IDO1: variants seen among roughly 807,000 people sequenced by gnomAD.
IDO1 encodes the protein indolamine 2,3 dioxygenase.
Under a neutral mutation model 38.8 loss-of-function variants are expected in IDO1, and 35 were observed. That is an observed-to-expected ratio of 0.90 (90% CI 0.69 to 1.20). IDO1 has a LOEUF of 1.20. Among genes scored for constraint, IDO1 ranks in the 50% most tolerant of loss-of-function variants. The pLI, the probability that IDO1 is intolerant of heterozygous loss-of-function variation, is 0.00. For missense variants in IDO1, 509 were observed against 485.1 expected, an observed-to-expected ratio of 1.05 and a Z score of -0.46; for synonymous variants, 171 against 170.0, an observed-to-expected ratio of 1.01 and a Z score of -0.05.
Position 39,914,262 on chromosome 8 carries a change from T to C in IDO1, c.87+253T>C, listed in dbSNP as rs1807140300. The C allele has an allele frequency of 1.5e-5, 5 of 334,094 alleles. 1 individual carries two copies. The Middle Eastern group carries it at 2.7e-3, about 181-fold the overall frequency. The allele number at this position is 334,094 out of a possible 1,614,324, so 20.7% of individuals were successfully genotyped here. On this transcript the variant is annotated intron_variant, in intron 1 of 9. Coordinates refer to ENST00000518237, the MANE Select transcript of IDO1 (RefSeq NM_002164.6). ...CGGAGAGTGGTGAGAAAGGAAACTA[T>C]AGAAAGTGTATCAGCTTTACATAAG...
At chr8:39,920,190 C>T in intron 5 of IDO1, 76 bp downstream of exon 5, 1 of 1,145,544 alleles carries the variant, frequency 8.7e-7, no homozygotes, top group Non-Finnish European at 1.3e-6. Flanking sequence ...CAATAGACTC[C>T]AAATGCATTT....
chr8:39,916,292 A>G (rs992786069), intron 1 of IDO1, among the ~76,000 whole-genome samples: 10 of 152,150 alleles, frequency 6.6e-5, no homozygotes, highest in East Asian at 3.9e-4. Context: ...CCTGGCCAAC[A>G]TGGTGAAACC....
intron 6 of IDO1, 140 bp from the exon 7 acceptor site, chr8:39,923,329 G>C (rs376225950): frequency 1.9e-6 from 1 of 519,538 alleles, no homozygotes; most frequent in Non-Finnish European, 3.5e-6. Flanking sequence ...GCGTGAACCC[G>C]GGAGGCAGAG....
Position 39,918,141 on chromosome 8 carries a change from A to T in IDO1, c.237A>T (p.Ala79=). ...HLTDHKSQRL[A]RLVLGCITMA... ...CAGACCACAAGTCACAGCGCCTTGC[A>T]CGTCTAGTTCTGGGATGCATCACCA... is the stretch of plus-strand genomic sequence containing the variant. Residue 79 remains alanine (A), a synonymous_variant, in exon 3 of 10, where the codon GCA becomes GCT. Transcript: ENST00000518237. The T allele has an allele frequency of 6.2e-7, 1 of 1,613,976 alleles. No homozygotes were observed. Among genetic ancestry groups the T allele is most frequent in the Non-Finnish European group, 8.5e-7 (1 of 1,179,880 alleles).
chr8:39,915,347 T>C (rs1388781687), intron 1 of IDO1, among the ~76,000 whole-genome samples: 2 of 152,096 alleles, frequency 1.3e-5, no homozygotes, highest in East Asian at 3.9e-4. Flanking sequence ...TGTAGACGAG[T>C]GTATTTTTGT....
chr8:39,916,175 T>C (rs1183748984), intron 1 of IDO1, among the ~76,000 whole-genome samples: 1 of 137,416 alleles, frequency 7.3e-6, no homozygotes, highest in Non-Finnish European at 1.6e-5. Context: ...CAGGAAATAA[T>C]AATAATAATA....
rs754990051 is a variant in IDO1 at position 39,927,852 on chromosome 8, G to A, written c.879G>A (p.Gln293=). The part of the protein sequence containing the change: ...AGGGHAAQFL[Q]DMRRYMPPAH... Reference sequence around the variant, plus strand: ...TAGGACATGCTGCTCAGTTCCTCCAGGACATGAGAAGATATATGCCACCAG... The same window carrying A: ...TAGGACATGCTGCTCAGTTCCTCCAAGACATGAGAAGATATATGCCACCAG... The change falls in exon 10 of 10, where the codon CAG becomes CAA. Residue 293 remains glutamine, a synonymous_variant. Transcript: ENST00000518237. The A allele has an allele frequency of 1.0e-5, 16 of 1,555,924 alleles. No homozygotes were observed. The highest frequency in any genetic ancestry group is 3.5e-4 in the Middle Eastern group (2 of 5,758).
At position 39,927,975 on chromosome 8, in the gene IDO1, C is replaced by G; in HGVS notation, c.1002C>G (p.Ala334=). ...GDAGLREAYD[A]CVKALVSLRS... Reference sequence around the variant, plus strand: ...CTGGCCTGCGGGAAGCTTATGACGCCTGTGTGAAAGCTCTGGTCTCCCTGA... The same window carrying G: ...CTGGCCTGCGGGAAGCTTATGACGCGTGTGTGAAAGCTCTGGTCTCCCTGA... Residue 334 remains alanine (A), a synonymous_variant, in exon 10 of 10, where the codon GCC becomes GCG. Transcript: ENST00000518237. 1 of 1,605,084 alleles carries G rather than the reference C, an allele frequency of 6.2e-7. No homozygotes were observed.
At chr8:39,923,800 T>C in intron 7 of IDO1, 2 of 353,812 alleles carry the variant, frequency 5.7e-6, no homozygotes, top group East Asian at 4.7e-5. Flanking sequence ...ACAGGGTAAA[T>C]GACTTCAGAT....
intron 4 of IDO1, 90 bp downstream of exon 4, chr8:39,919,023 G>A (rs4613984): frequency 0.043 from 36,098 of 832,236 alleles, 936 homozygotes; most frequent in Non-Finnish European, 0.054. Context: ...TTTGGGCAGC[G>A]CAGCTTTCCT....
chr8:39,918,785 C>T, intron 3 of IDO1, 30 bp from the exon 4 acceptor site: 1 of 704,224 alleles, frequency 1.4e-6, no homozygotes, highest in East Asian at 3.3e-5. Context: ...ACAACAACAA[C>T]AAAAAACCTA....
intron 3 of IDO1, 141 bp downstream of exon 3, chr8:39,918,348 T>G: frequency 1.4e-6 from 1 of 731,158 alleles, no homozygotes. Flanking sequence ...AAAGAAAATA[T>G]GCCCTGGCTT....
rs370900557 is a variant in IDO1 at position 39,927,972 on chromosome 8, C to A, written c.999C>A (p.Asp333Glu). 5.0e-6 allele frequency: 8 copies of A among 1,604,628 alleles called. No individual in the cohort carries two copies. The Admixed American group carries it at 1.0e-4, about 21-fold the overall frequency. The change falls in exon 10 of 10, where the codon GAC becomes GAA. Residue 333 changes from aspartate (D) to glutamate (E), a missense_variant. Physicochemically the swap from Asp to Glu is conservative, Grantham distance 45. Transcript: ENST00000518237. ...KGDAGLREAY[D>E]ACVKALVSLR... ...ATGCTGGCCTGCGGGAAGCTTATGA[C>A]GCCTGTGTGAAAGCTCTGGTCTCCC...
intron 1 of IDO1, among the ~76,000 whole-genome samples, chr8:39,916,542 G>C (rs576343862): frequency 3.3e-5 from 5 of 151,872 alleles, no homozygotes; most frequent in African/African-American, 1.2e-4. Flanking sequence ...TCACTGTCCC[G>C]GAAACATGAA....
rs755977280 is a variant in IDO1 at position 39,920,082 on chromosome 8, C to T, written c.423-18C>T. ...CTCTCTTCCAATTGGTCCATTGCTTCATGGCTGCTTTCATAAGGCCCCTGA... is the reference window on the plus strand; with the variant it reads ...CTCTCTTCCAATTGGTCCATTGCTTTATGGCTGCTTTCATAAGGCCCCTGA... On this transcript the variant is annotated intron_variant, in intron 4 of 9. Transcript: ENST00000518237. 6.2e-7 allele frequency: 1 copy of T among 1,610,054 alleles called. No individual in the cohort carries two copies. The highest frequency in any genetic ancestry group is 1.1e-5 in the South Asian group (1 of 90,772).
chr8:39,922,701 G>A, intron 6 of IDO1, 50 bp downstream of exon 6: 1 of 1,250,206 alleles, frequency 8.0e-7, no homozygotes, highest in Non-Finnish European at 1.2e-6. Flanking sequence ...CGTAAGCAGA[G>A]CAATCACTTC....
At chr8:39,925,186 G>T (rs1490194576) in intron 8 of IDO1, 37 bp from the exon 9 acceptor site, 1 of 1,541,194 alleles carries the variant, frequency 6.5e-7, no homozygotes, top group Non-Finnish European at 8.7e-7. Flanking sequence ...TTAACCTAAA[G>T]AATGATTTTT....
chr8:39,920,394 CATCTGTGT>C (rs1426175129), intron 5 of IDO1, among the ~76,000 whole-genome samples: 1 of 152,224 alleles, frequency 6.6e-6, no homozygotes, highest in Non-Finnish European at 1.5e-5. Flanking sequence ...AATGCACATA[CATCTGTGT>C]ATCTATGATT....
At position 39,928,321 on chromosome 8, in the gene IDO1, C is replaced by T; in HGVS notation, c.*136C>T. 1.7e-6 allele frequency: 1 copy of T among 594,908 alleles called. No individual in the cohort carries two copies. The highest frequency in any genetic ancestry group is 2.9e-6 in the Non-Finnish European group (1 of 347,608). 36.9% of individuals were successfully genotyped at this position (594,908 alleles called of 1,614,324 possible). On this transcript the variant is annotated 3_prime_UTR_variant, in exon 10 of 10. Transcript: ENST00000518237. ...ATGCAATACAAAAGACCTCAAAATA[C>T]CTGTGCATTTCTTGTAGGAAAACAA...
Sources: allele counts gnomAD v4.1 joint callset (sites outside exome capture counted in the v4.1 genomes callset), GRCh38; gene constraint gnomAD v4.1.1; transcripts MANE v1.5; gene names NCBI Gene and HGNC (gene_info 2026-07-23, HGNC 2026-07-21).